Variants in RADIL observed in about 807,000 individuals in gnomAD.
RADIL encodes ras-associating and dilute domain-containing protein.
RADIL carries 99 observed loss-of-function variants against 97.6 expected under a neutral mutation model. The ratio of observed to expected loss-of-function variants is 1.01; its 90% CI spans 0.86 to 1.20. RADIL has a LOEUF of 1.20. RADIL is among the 50% of genes most tolerant of loss of function. The probability of loss-of-function intolerance (pLI) is 0.00; values close to 1 mark genes in which losing one functional copy is unlikely to be tolerated. For missense variants in RADIL, 1,765 were observed against 1,498.9 expected (o/e 1.18, Z -2.93); for synonymous variants, 803 against 691.8 (o/e 1.16, Z -2.52).
In RADIL at chr7:4,797,951, G is replaced by A. The variant is rs1781965839; in HGVS notation, c.*1427C>T. The A allele has an allele frequency of 6.6e-6, 1 of 151,532 alleles. No individual in the cohort carries two copies. Among genetic ancestry groups the A allele is most frequent in the South Asian group, 2.1e-4 (1 of 4,820 alleles). The allele number at this position is 151,532 out of a possible 1,614,324, so 9.4% of individuals were successfully genotyped here. A position where few individuals can be genotyped will look rare whatever the true frequency, so the allele number is the denominator to read the frequency against. ...ATTGCACCACTGCACTCCAGCCTGGGTCACAGAGCGAGACTCCGTCTCATA... is the reference window on the plus strand; with the variant it reads ...ATTGCACCACTGCACTCCAGCCTGGATCACAGAGCGAGACTCCGTCTCATA... On this transcript the variant is annotated 3_prime_UTR_variant, in exon 15 of 15. Transcript: ENST00000399583.
At chr7:4,809,737 C>A in intron 9 of RADIL, 1 of 685,968 alleles carries the variant, frequency 1.5e-6, no homozygotes. Context: ...GGCCGGAGTG[C>A]AGTGGCGTGA....
chr7:4,857,856 A>G (rs1783871014), intron 2 of RADIL: 1 of 152,648 alleles, frequency 6.6e-6, no homozygotes, highest in East Asian at 1.9e-4. Flanking sequence ...TCCACTCACT[A>G]GGTACATCAC....
intron 13 of RADIL, 56 bp downstream of exon 13, chr7:4,800,115 A>G (rs1315772691): frequency 1.3e-6 from 2 of 1,556,710 alleles, no homozygotes; most frequent in East Asian, 2.3e-5. Flanking sequence ...GCTTGCATGA[A>G]CAGGCGGGGC....
chr7:4,874,207 C>A (rs1784317437), intron 2 of RADIL, among the ~76,000 whole-genome samples: 1 of 152,234 alleles, frequency 6.6e-6, no homozygotes, highest in African/African-American at 2.4e-5. Flanking sequence ...TGTGTGAGCA[C>A]CTGTGTGGAC....
At position 4,822,578 on chromosome 7, in the gene RADIL, GT is replaced by G. The variant is rs773746068; in HGVS notation, c.1455-25del. 309 of 1,608,210 alleles carry G rather than the reference GT, an allele frequency of 1.9e-4. 1 individual carries two copies. The highest frequency in any genetic ancestry group is 2.5e-4 in the Non-Finnish European group (296 of 1,177,946). ...GGCTACCAAGACAGAAAGACTAAGA[GT>G]TACGCGGGGACCCGACCCTCAGGAG... On this transcript the variant is annotated intron_variant, in intron 5 of 14. Coordinates refer to ENST00000399583, the MANE Select transcript of RADIL (RefSeq NM_018059.5). This position sits in a 1 kb window ranked among gnomAD's most constrained non-coding sequence, Gnocchi z 5.3.
In RADIL at chr7:4,817,295, C is replaced by G. The variant is rs1429845877; in HGVS notation, c.1672G>C (p.Val558Leu). ...GCGTACAGCACCACCTCCTCCAGCACCGCCATGGCCTCCTCGCTGGCCGTC... is the reference window on the plus strand; with the variant it reads ...GCGTACAGCACCACCTCCTCCAGCAGCGCCATGGCCTCCTCGCTGGCCGTC... ...TLTASEEAMA[V>L]LEEVVLYAFQ... The change falls in exon 7 of 15, where the codon GTG (valine) becomes CTG (leucine). Residue 558 changes from valine (V) to leucine (L), a missense_variant. By Grantham distance (32) the Val-to-Leu change is conservative. Transcript: ENST00000399583. This position sits in a 1 kb window ranked among gnomAD's most constrained non-coding sequence, Gnocchi z 8.3. The G allele has an allele frequency of 5.6e-6, 9 of 1,612,728 alleles. No individual in the cohort carries two copies. In the South Asian group the frequency reaches 8.8e-5, roughly 16 times the overall value.
At chr7:4,839,525 T>C (rs1311768194) in intron 2 of RADIL, among the ~76,000 whole-genome samples, 1 of 152,086 alleles carries the variant, frequency 6.6e-6, no homozygotes, top group Admixed American at 6.6e-5. Context: ...GTGGAAAAAA[T>C]GACTTCAATT....
chr7:4,834,574 C>T lies in RADIL; in HGVS notation c.1416+33G>A, dbSNP rs1470962386. 1.5e-6 allele frequency: 2 copies of T among 1,311,968 alleles called. No homozygotes were observed. Among genetic ancestry groups the T allele is most frequent in the Non-Finnish European group, 1.9e-6 (2 of 1,025,852 alleles). The allele number at this position is 1,311,968 out of a possible 1,614,324, so 81.3% of individuals were successfully genotyped here. ...GGCCCCCTCTTCCCCCAGACCGGCA[C>T]AGGACCCAGACCGCCCACCCCAGCA... On this transcript the variant is annotated intron_variant, in intron 4 of 14. Transcript: ENST00000399583. This position sits in a 1 kb window ranked among gnomAD's most constrained non-coding sequence, Gnocchi z 6.0.
At chr7:4,804,060 T>A in intron 10 of RADIL, 1 of 418,782 alleles carries the variant, frequency 2.4e-6, no homozygotes, top group Non-Finnish European at 4.6e-6. Context: ...TCTGCCCCAC[T>A]GGTCTCTGAT....
chr7:4,836,579 G>A lies in RADIL; in HGVS notation c.562C>T (p.Gln188Ter). 6.2e-7 allele frequency: 1 copy of A among 1,607,164 alleles called. No individual in the cohort carries two copies. The highest frequency in any genetic ancestry group is 8.5e-7 in the Non-Finnish European group (1 of 1,179,490). The change falls in exon 3 of 15, where the codon CAG becomes TAG. Residue 188 changes from glutamine (Q) to a stop codon, truncating the protein, a stop_gained. Coordinates refer to ENST00000399583, the MANE Select transcript of RADIL (RefSeq NM_018059.5). LOFTEE classifies it high-confidence loss of function. Reference sequence around the variant, plus strand: ...GGGGTTCCCTTCGCGCGACTCCGCTGCAGCCTCCGGGCCTGGGCGTTTATC... The same window carrying A: ...GGGGTTCCCTTCGCGCGACTCCGCTACAGCCTCCGGGCCTGGGCGTTTATC... ...AGINAQARRLQRSRAKGTPTP... is the reference protein window; with the variant it reads ...AGINAQARRL
At position 4,815,620 on chromosome 7, in the gene RADIL, A is replaced by C. The variant is rs1349050330; in HGVS notation, c.1967-170T>G. 1.3e-5 allele frequency among the ~76,000 whole-genome samples: 2 copies of C among 152,142 alleles called. No individual in the cohort carries two copies. The highest frequency in any genetic ancestry group is 4.8e-5 in the African/African-American group (2 of 41,442). On this transcript the variant is annotated intron_variant, in intron 8 of 14. Coordinates refer to ENST00000399583, the MANE Select transcript of RADIL (RefSeq NM_018059.5). The surrounding 1 kb of genome is among the most constrained non-coding windows in gnomAD (Gnocchi z 8.0). ...TTTTCAAGGCAACTGACCAGCCTTG[A>C]ACCCCTCTCTGGAGCGGGGGTACGG...
intron 2 of RADIL, 111 bp from the exon 3 acceptor site, chr7:4,836,716 T>C: frequency 7.0e-7 from 1 of 1,425,870 alleles, no homozygotes. Flanking sequence ...GGTGGGGGGA[T>C]CGCCTGAGGT....
intron 2 of RADIL, among the ~76,000 whole-genome samples, chr7:4,845,043 A>T (rs1367156642): frequency 3.1e-5 from 1 of 32,626 alleles, no homozygotes; most frequent in Admixed American, 2.1e-4. Flanking sequence ...CCTACGTAGG[A>T]AAAAAAAAAG....
In RADIL at chr7:4,799,677, ACGGTCCCC is replaced by A; in HGVS notation, c.3067_3074del (p.Gly1023TyrfsTer82). The A allele has an allele frequency of 6.3e-7, 1 of 1,592,394 alleles. No individual in the cohort carries two copies. The highest frequency in any genetic ancestry group is 8.5e-7 in the Non-Finnish European group (1 of 1,170,668). ...GGCTGCTGCCATTCACCTCCAGGAT[ACGGTCCCC>A]CAGCGACAGGCGCCCGTCGGCCGCT... On this transcript the variant is annotated frameshift_variant, in exon 14 of 15. Coordinates refer to ENST00000399583, the MANE Select transcript of RADIL (RefSeq NM_018059.5). LOFTEE classifies it high-confidence loss of function.
chr7:4,840,285 TCACCTGAGC>T lies in RADIL; in HGVS notation c.536-3689_536-3681del, dbSNP rs1783407703. On this transcript the variant is annotated intron_variant, in intron 2 of 14. Coordinates refer to ENST00000399583, the MANE Select transcript of RADIL (RefSeq NM_018059.5). The surrounding 1 kb of genome is among the most constrained non-coding windows in gnomAD (Gnocchi z 5.6). ...ACCTGATACAGCTTCGTCACCTGAG[TCACCTGAGC>T]GTCTCAGCTCTGTGCAGACCCAGGG... 6.6e-6 allele frequency among the ~76,000 whole-genome samples: 1 copy of T among 152,030 alleles called. No homozygotes were observed. Among genetic ancestry groups the T allele is most frequent in the Admixed American group, 6.6e-5 (1 of 15,248 alleles).
intron 9 of RADIL, chr7:4,808,754 C>A: frequency 1.0e-6 from 1 of 974,626 alleles, no homozygotes; most frequent in Non-Finnish European, 1.2e-6. Context: ...CCTTCCAACG[C>A]CACTGCCCCC....
chr7:4,868,124 A>G (rs4724127), intron 2 of RADIL, among the ~76,000 whole-genome samples: 72,674 of 151,796 alleles, frequency 0.48, 20,354 homozygotes, highest in African/African-American at 0.78. Context: ...GTGCAGTGGC[A>G]TGATCTCGGC....
chr7:4,798,031 AAT>A lies in RADIL; in HGVS notation c.*1345_*1346del, dbSNP rs1263100124. On this transcript the variant is annotated 3_prime_UTR_variant, in exon 15 of 15. Coordinates refer to ENST00000399583, the MANE Select transcript of RADIL (RefSeq NM_018059.5). ...AATAAAATATAAAAAATGTTTATAA[AAT>A]ATACGAATATATTACGTATACATGA... is the stretch of plus-strand genomic sequence containing the variant. 1 of 148,428 alleles carries A rather than the reference AAT, an allele frequency of 6.7e-6. No individual in the cohort carries two copies. The highest frequency in any genetic ancestry group is 1.9e-4 in the East Asian group (1 of 5,162). 9.2% of individuals were successfully genotyped at this position (148,428 alleles called of 1,614,324 possible).
At position 4,834,189 on chromosome 7, in the gene RADIL, G is replaced by A. The variant is rs1877521; in HGVS notation, c.1416+418C>T. Among the ~76,000 whole-genome samples the A allele has an allele frequency of 0.25, 37,616 of 152,094 alleles. 5,670 individuals carry two copies. The highest frequency in any genetic ancestry group is 0.37 in the East Asian group (1,883 of 5,152). On this transcript the variant is annotated intron_variant, in intron 4 of 14. Transcript: ENST00000399583. The surrounding 1 kb of genome is among the most constrained non-coding windows in gnomAD (Gnocchi z 6.0). ...CCCCTGGCAGCAAGCACAGGGCGCC[G>A]GCACACACAGGGGCTTCTGGGGCTC...
Sources: allele counts gnomAD v4.1 joint callset (sites outside exome capture counted in the v4.1 genomes callset), GRCh38; gene constraint gnomAD v4.1.1; non-coding constraint Gnocchi (gnomAD v3.1); transcripts MANE v1.5; gene names NCBI Gene and HGNC (gene_info 2026-07-23, HGNC 2026-07-21).